The following ECT2 variants were observed in gnomAD, a reference collection of about 807,000 sequenced individuals.
ECT2 encodes epithelial cell transforming 2.
ECT2 carries 61 observed loss-of-function variants against 116.9 expected under a neutral mutation model. That is an observed-to-expected ratio of 0.52 (90% confidence interval 0.42 to 0.65). The LOEUF is 0.65. Ranked by LOEUF, ECT2 falls within the 30% of genes least tolerant of loss-of-function variation. The pLI is 0.00. For missense variants in ECT2, 937 were observed against 1,078.7 expected (o/e 0.87, Z 1.84); for synonymous variants, 358 against 346.4 (o/e 1.03, Z -0.37).
intron 22 of ECT2, among the ~76,000 whole-genome samples, chr3:172,812,162 T>C (rs989943812): frequency 6.6e-6 from 1 of 152,124 alleles, no homozygotes; most frequent in African/African-American, 2.4e-5. Context: ...TTTTGTATTT[T>C]TAGTAGAGAC....
intron 14 of ECT2, among the ~76,000 whole-genome samples, chr3:172,776,146 T>C (rs765966623): frequency 1.1e-4 from 17 of 151,974 alleles, no homozygotes; most frequent in Non-Finnish European, 1.9e-4. Flanking sequence ...CTTAATTCTT[T>C]AAGCTTCTTT....
intron 14 of ECT2, among the ~76,000 whole-genome samples, chr3:172,781,680 A>G (rs530438904): frequency 6.6e-6 from 1 of 152,320 alleles, no homozygotes; most frequent in Non-Finnish European, 1.5e-5. Flanking sequence ...AATCCAGCCC[A>G]TTGCGTGTTT....
rs548868510 is a variant in ECT2, at chr3:172,818,707, A to T, written c.2656-1441A>T. The stretch of plus-strand genomic sequence containing the variant: ...TTTTTCAGAGATACTAGAAGGAAAT[A>T]CTGATTTTTCAAATTTCAAAAAAGT... On this transcript the variant is annotated intron_variant, in intron 24 of 24. Coordinates refer to ENST00000392692, the MANE Select transcript of ECT2 (RefSeq NM_001258315.2). 619 of 1,288,934 alleles carry T rather than the reference A, an allele frequency of 4.8e-4. 4 individuals carry two copies. The African/African-American group carries it at 8.6e-3, about 18-fold the overall frequency. The allele number at this position is 1,288,934 out of a possible 1,614,324, so 79.8% of individuals were successfully genotyped here. A position where few individuals can be genotyped will look rare whatever the true frequency, so the allele number is the denominator to read the frequency against.
chr3:172,824,303 T>C (rs910933757), downstream of ECT2, among the ~76,000 whole-genome samples: 12 of 152,202 alleles, frequency 7.9e-5, no homozygotes, highest in African/African-American at 2.7e-4. Flanking sequence ...CTGCTTAGCT[T>C]CTGGGGAGGC....
At chr3:172,797,018 CTGTGTGTGTGTGTG>C (rs57188529) in intron 18 of ECT2, among the ~76,000 whole-genome samples, 11 of 139,126 alleles carry the variant, frequency 7.9e-5, no homozygotes, top group South Asian at 4.9e-4. Flanking sequence ...TCAGGTTCAA[CTGTGTGTGTGTGTG>C]TGTGTGTGTG....
chr3:172,783,395 G>C (rs1723059853), intron 15 of ECT2, among the ~76,000 whole-genome samples: 1 of 151,744 alleles, frequency 6.6e-6, no homozygotes, highest in Non-Finnish European at 1.5e-5. Context: ...TTTCTTGTTT[G>C]CATTTTTGGG....
At chr3:172,798,477 C>CT (rs1297142884) in intron 18 of ECT2, among the ~76,000 whole-genome samples, 1 of 152,084 alleles carries the variant, frequency 6.6e-6, no homozygotes, top group East Asian at 1.9e-4. Flanking sequence ...TTCCAAAACT[C>CT]TAATTTAAAA....
chr3:172,800,886 A>G (rs1726590166), intron 18 of ECT2, among the ~76,000 whole-genome samples: 1 of 152,220 alleles, frequency 6.6e-6, no homozygotes, highest in Non-Finnish European at 1.5e-5. Context: ...TGTGCAGAAC[A>G]GTTACAGATA....
chr3:172,772,736 A>G (rs557282499), intron 13 of ECT2, among the ~76,000 whole-genome samples: 20 of 152,110 alleles, frequency 1.3e-4, no homozygotes, highest in Admixed American at 1.0e-3. Context: ...TAAAAGTTTT[A>G]TAGTTTTAAG....
chr3:172,763,215 T>C (rs1180646544), intron 11 of ECT2, among the ~76,000 whole-genome samples: 2 of 152,252 alleles, frequency 1.3e-5, no homozygotes, highest in African/African-American at 4.8e-5. Context: ...CAAGAACATC[T>C]CTATCTTCAG....
rs549041530 is a variant in ECT2, at chr3:172,813,438, A to G, written c.2401-2166A>G. On this transcript the variant is annotated intron_variant, in intron 22 of 24. Coordinates refer to ENST00000392692, the MANE Select transcript of ECT2 (RefSeq NM_001258315.2). ...CTGACAGAGTATAGGTTGAAGCAGTATACCCTTTTTCCATCAGGAACTTTT... is the reference window on the plus strand; with the variant it reads ...CTGACAGAGTATAGGTTGAAGCAGTGTACCCTTTTTCCATCAGGAACTTTT... Among the ~76,000 whole-genome samples the G allele has an allele frequency of 2.0e-5, 3 of 152,204 alleles. No individual in the cohort carries two copies. In the South Asian group the frequency reaches 6.2e-4, roughly 32 times the overall value.
At position 172,815,620 on chromosome 3, in the gene ECT2, C is replaced by A; in HGVS notation, c.2417C>A (p.Thr806Asn). 1.3e-6 allele frequency: 2 copies of A among 1,585,540 alleles called. No individual in the cohort carries two copies. The highest frequency in any genetic ancestry group is 1.2e-5 in the South Asian group (1 of 85,546). The part of the protein sequence containing the change: ...CKADAENLIY[T>N]ADPESFEVNT... ...TTTCAATAGGAGAATCTTATTTATA[C>A]TGCTGATCCAGAATCCTTTGAAGTA... Residue 806 changes from threonine to asparagine, a missense_variant, in exon 23 of 25, where the codon ACT becomes AAT. Coordinates refer to ENST00000392692, the MANE Select transcript of ECT2 (RefSeq NM_001258315.2).
downstream of ECT2, among the ~76,000 whole-genome samples, chr3:172,825,229 G>A (rs1327697837): frequency 3.3e-5 from 5 of 152,154 alleles, no homozygotes; most frequent in South Asian, 2.1e-4. Flanking sequence ...AAACTTTATC[G>A]GTAATTGTTG....
At chr3:172,801,176 G>A (rs1370554990) in intron 18 of ECT2, among the ~76,000 whole-genome samples, 2 of 150,530 alleles carry the variant, frequency 1.3e-5, no homozygotes, top group Non-Finnish European at 3.0e-5. Flanking sequence ...TTATTTTATT[G>A]AATTCTAGAC....
At chr3:172,818,574 T>C in intron 24 of ECT2, 3 of 1,283,324 alleles carry the variant, frequency 2.3e-6, no homozygotes, top group South Asian at 1.3e-5. Flanking sequence ...CCACAAGCAA[T>C]GTAATTGGAT....
intron 8 of ECT2, among the ~76,000 whole-genome samples, 176 bp downstream of exon 8, chr3:172,761,859 T>A (rs1718368569): frequency 6.6e-6 from 1 of 152,114 alleles, no homozygotes; most frequent in Non-Finnish European, 1.5e-5. Context: ...AATTAAAAAT[T>A]GAAAGATATC....
chr3:172,757,025 T>C lies in ECT2; in HGVS notation c.346T>C (p.Phe116Leu), dbSNP rs942621484. Residue 116 changes from phenylalanine to leucine, a missense_variant, in exon 5 of 25, where the codon TTT becomes CTT. Phe to Leu is a conservative substitution (Grantham distance 22). Coordinates refer to ENST00000392692, the MANE Select transcript of ECT2 (RefSeq NM_001258315.2). ...GFVKMESVEE[F>L]EGLDSPEFEN... ...TGTAAAGATGGAGTCAGTGGAAGAA[T>C]TTGAAGGTTTGGATTCTCCGGAATT... is the stretch of plus-strand genomic sequence containing the variant. 1.2e-6 allele frequency: 2 copies of C among 1,609,246 alleles called. No individual in the cohort carries two copies. The highest frequency in any genetic ancestry group is 2.7e-5 in the African/African-American group (2 of 74,654).
chr3:172,790,652 T>C (rs953537184), intron 18 of ECT2, among the ~76,000 whole-genome samples: 2 of 152,232 alleles, frequency 1.3e-5, no homozygotes, highest in African/African-American at 2.4e-5. Context: ...TTATGAAATA[T>C]GTTTCTTAGA....
At chr3:172,815,285 G>C (rs1004889171) in intron 22 of ECT2, among the ~76,000 whole-genome samples, 5 of 152,140 alleles carry the variant, frequency 3.3e-5, no homozygotes, top group Admixed American at 6.6e-5. Flanking sequence ...TATTGGTTTT[G>C]TAGCCAACTT....
Sources: gnomAD v4.1 joint callset for allele counts (sites outside exome capture counted in the v4.1 genomes callset) on GRCh38, gnomAD v4.1.1 for gene constraint, MANE v1.5 for transcripts, NCBI Gene and HGNC (gene_info 2026-07-23, HGNC 2026-07-21) for gene names.